Variants in LMO4 observed in about 807,000 individuals in gnomAD.
LMO4 encodes LIM domain only 4.
In LMO4, 3 loss-of-function variants were observed where a neutral mutation model predicts 18.5. The observed-to-expected ratio is 0.16, with a 90% CI of 0.07 to 0.42. The LOEUF is 0.42. LMO4 is among the 10% of genes least tolerant of loss of function. LMO4 has a pLI of 0.99. For missense variants in LMO4, 121 were observed against 219.9 expected, an observed-to-expected ratio of 0.55 and a Z score of 2.84; for synonymous variants, 100 against 88.1, an observed-to-expected ratio of 1.14 and a Z score of -0.76.
chr1:87,341,711 G>A (rs1276540723), intron 4 of LMO4, among the ~76,000 whole-genome samples: 3 of 152,110 alleles, frequency 2.0e-5, no homozygotes, highest in Admixed American at 1.3e-4. Flanking sequence ...ATGACATTAT[G>A]TGCACTTTAA....
chr1:87,329,994 T>C (rs576972436), intron 1 of LMO4, among the ~76,000 whole-genome samples: 6 of 150,186 alleles, frequency 4.0e-5, no homozygotes, highest in Non-Finnish European at 8.8e-5. Flanking sequence ...CTATTTAACT[T>C]AAAAGCTTTC....
intron 1 of LMO4, 177 bp from the exon 2 acceptor site, chr1:87,331,836 G>A (rs1306277525): frequency 3.4e-5 from 20 of 581,334 alleles, no homozygotes; most frequent in Admixed American, 1.5e-4. Flanking sequence ...GCTGCTGCCG[G>A]CGAGCCTCCC....
At chr1:87,339,009 A>G (rs138345286) in intron 2 of LMO4, among the ~76,000 whole-genome samples, 4 of 152,348 alleles carry the variant, frequency 2.6e-5, no homozygotes, top group Admixed American at 6.5e-5. Context: ...TACACATTAT[A>G]TATCAACCTG....
rs1650626753 is a variant in LMO4 at position 87,346,355 on chromosome 1, G to A, written c.*1559G>A. The A allele has an allele frequency of 6.6e-6, 1 of 152,188 alleles. No individual in the cohort carries two copies. The highest frequency in any genetic ancestry group is 1.5e-5 in the Non-Finnish European group (1 of 68,044). The allele number at this position is 152,188 out of a possible 1,614,324, so 9.4% of individuals were successfully genotyped here. On this transcript the variant is annotated 3_prime_UTR_variant, in exon 5 of 5. Coordinates refer to ENST00000370544, the MANE Select transcript of LMO4 (RefSeq NM_006769.4). ...AGTATAACAGCTAGTGCTGGAAGGA[G>A]GAAAACCAAATAGGCCTGGAGGCTG...
In LMO4 at chr1:87,340,214, G is replaced by A. The variant is rs1405546244; in HGVS notation, c.489+12G>A. 2 of 1,613,176 alleles carry A rather than the reference G, an allele frequency of 1.2e-6. No homozygotes were observed. The highest frequency in any genetic ancestry group is 1.7e-6 in the Non-Finnish European group (2 of 1,179,650). On this transcript the variant is annotated intron_variant, in intron 4 of 4. Coordinates refer to ENST00000370544, the MANE Select transcript of LMO4 (RefSeq NM_006769.4). ...TGCCAGACCAGAAGGTGAATACCCA[G>A]CAATTACTAATAAGCTTTATTAGAG...
chr1:87,348,591 G>A lies in LMO4; in HGVS notation c.*3795G>A, dbSNP rs747741399. 5 of 430,804 alleles carry A rather than the reference G, an allele frequency of 1.2e-5. No homozygotes were observed. Among genetic ancestry groups the A allele is most frequent in the South Asian group, 3.3e-5 (2 of 60,024 alleles). The allele number at this position is 430,804 out of a possible 1,614,324, so 26.7% of individuals were successfully genotyped here. The stretch of plus-strand genomic sequence containing the variant: ...AGTGTAGCACATTCGCCGATGCTGG[G>A]TACCTAGTTAAAGAGGCATTTGTAG... On this transcript the variant is annotated 3_prime_UTR_variant, in exon 5 of 5. Transcript: ENST00000370544.
At chr1:87,330,395 G>C (rs1345768672) in intron 1 of LMO4, among the ~76,000 whole-genome samples, 1 of 152,140 alleles carries the variant, frequency 6.6e-6, no homozygotes, top group Non-Finnish European at 1.5e-5. Flanking sequence ...GCAATTCCTC[G>C]AGTAAATGCA....
chr1:87,331,803 A>G, intron 1 of LMO4: 1 of 580,250 alleles, frequency 1.7e-6, no homozygotes, highest in Non-Finnish European at 3.1e-6. Context: ...CCCAGAACAA[A>G]GCTTGAGAAA....
At chr1:87,336,659 C>T (rs978975218) in intron 2 of LMO4, among the ~76,000 whole-genome samples, 3 of 152,220 alleles carry the variant, frequency 2.0e-5, no homozygotes, top group Non-Finnish European at 4.4e-5. Flanking sequence ...GTATAAGGAA[C>T]CTCTTGATGT....
rs952574552 is a variant in LMO4, at chr1:87,348,147, T to C, written c.*3351T>C. The C allele has an allele frequency of 6.6e-6, 1 of 152,584 alleles. No homozygotes were observed. Among genetic ancestry groups the C allele is most frequent in the African/African-American group, 2.4e-5 (1 of 41,440 alleles). The allele number at this position is 152,584 out of a possible 1,614,324, so 9.5% of individuals were successfully genotyped here. On this transcript the variant is annotated 3_prime_UTR_variant, in exon 5 of 5. Transcript: ENST00000370544. ...TATTTCTTAGGGCCCATAAATCATA[T>C]AATAAACAGTGAACCCAAGAGCTAC... is the stretch of plus-strand genomic sequence containing the variant.
rs1251421065 is a variant in LMO4, at chr1:87,339,568, G to C, written c.269G>C (p.Cys90Ser). 6.2e-7 allele frequency: 1 copy of C among 1,614,044 alleles called. No individual in the cohort carries two copies. The highest frequency in any genetic ancestry group is 1.3e-5 in the African/African-American group (1 of 75,026). ...LFGNSGACSACGQSIPASELV... is the reference protein window; with the variant it reads ...LFGNSGACSASGQSIPASELV... ...GGAAATAGCGGTGCTTGCAGCGCTT[G>C]CGGACAGTCGATTCCTGCGAGTGAA... Residue 90 changes from cysteine (C) to serine (S), a missense_variant, in exon 3 of 5, where the codon TGC (cysteine) becomes TCC (serine). Transcript: ENST00000370544.
In LMO4 at chr1:87,348,028, T is replaced by C. The variant is rs1445134155; in HGVS notation, c.*3232T>C. Reference sequence around the variant, plus strand: ...TTTCTTTTGCCCTTATTAACACTGATATTTGAAACAACTAATCATCTAAAA... The same window carrying C: ...TTTCTTTTGCCCTTATTAACACTGACATTTGAAACAACTAATCATCTAAAA... On this transcript the variant is annotated 3_prime_UTR_variant, in exon 5 of 5. Coordinates refer to ENST00000370544, the MANE Select transcript of LMO4 (RefSeq NM_006769.4). 1 of 152,236 alleles carries C rather than the reference T, an allele frequency of 6.6e-6. No homozygotes were observed. The highest frequency in any genetic ancestry group is 1.5e-5 in the Non-Finnish European group (1 of 68,052). 9.4% of individuals were successfully genotyped at this position (152,236 alleles called of 1,614,324 possible). A position where few individuals can be genotyped will look rare whatever the true frequency, so the allele number is the denominator to read the frequency against.
At position 87,345,895 on chromosome 1, in the gene LMO4, GT is replaced by G. The variant is rs1180312332; in HGVS notation, c.*1102del. The G allele has an allele frequency of 6.6e-6, 1 of 151,980 alleles. No homozygotes were observed. Among genetic ancestry groups the G allele is most frequent in the Non-Finnish European group, 1.5e-5 (1 of 68,000 alleles). The allele number at this position is 151,980 out of a possible 1,614,324, so 9.4% of individuals were successfully genotyped here. A position where few individuals can be genotyped will look rare whatever the true frequency, so the allele number is the denominator to read the frequency against. ...TAAATACTTGAGTGTCCACTATTTT[GT>G]TTATTCTTTTTCTCAATAGCAAACA... On this transcript the variant is annotated 3_prime_UTR_variant, in exon 5 of 5. Transcript: ENST00000370544.
At chr1:87,340,484 A>G (rs1263283728) in intron 4 of LMO4, among the ~76,000 whole-genome samples, 7 of 152,252 alleles carry the variant, frequency 4.6e-5, no homozygotes, top group African/African-American at 1.7e-4. Flanking sequence ...TAAAGCTTCC[A>G]TATAACTGGT....
At chr1:87,338,958 A>C (rs933785445) in intron 2 of LMO4, among the ~76,000 whole-genome samples, 3 of 152,216 alleles carry the variant, frequency 2.0e-5, no homozygotes, top group Non-Finnish European at 4.4e-5. Flanking sequence ...GAGCAGAGGC[A>C]AATCTTAAGT....
chr1:87,340,399 A>T (rs558719007), intron 4 of LMO4, among the ~76,000 whole-genome samples, 197 bp downstream of exon 4: 1 of 152,350 alleles, frequency 6.6e-6, no homozygotes, highest in East Asian at 1.9e-4. Context: ...TTAAAAAAAA[A>T]ATCCTGACTT....
chr1:87,332,312 A>G, intron 2 of LMO4, 61 bp downstream of exon 2: 4 of 1,345,472 alleles, frequency 3.0e-6, no homozygotes, highest in Non-Finnish European at 4.2e-6. Context: ...CCAAAGGTTA[A>G]CAGGGTTGTG....
At chr1:87,342,365 C>A (rs568136649) in intron 4 of LMO4, among the ~76,000 whole-genome samples, 1 of 152,218 alleles carries the variant, frequency 6.6e-6, no homozygotes, top group Non-Finnish European at 1.5e-5. Flanking sequence ...TGCAGAAAAA[C>A]CAGGTTTACC....
At chr1:87,341,044 A>G (rs1650459740) in intron 4 of LMO4, among the ~76,000 whole-genome samples, 1 of 152,192 alleles carries the variant, frequency 6.6e-6, no homozygotes, top group Non-Finnish European at 1.5e-5. Context: ...AAGTGAGTGC[A>G]TTTTGATAAC....
Sources: gnomAD v4.1 joint callset for allele counts (sites outside exome capture counted in the v4.1 genomes callset) on GRCh38, gnomAD v4.1.1 for gene constraint, MANE v1.5 for transcripts, NCBI Gene and HGNC (gene_info 2026-07-23, HGNC 2026-07-21) for gene names.